SMG1: variants seen among roughly 807,000 people sequenced by gnomAD.
The protein encoded by SMG1 is SMG1 nonsense mediated mRNA decay associated PI3K related kinase.
SMG1 carries 22 observed loss-of-function variants against 419.9 expected under a neutral mutation model. That is an observed-to-expected ratio of 0.05 (90% CI 0.04 to 0.07). The LOEUF (loss-of-function observed/expected upper bound fraction) is 0.07, where lower values mean the gene tolerates loss of function less well. Ranked by LOEUF, SMG1 falls within the 10% of genes least tolerant of loss-of-function variation. The pLI, the probability that SMG1 is intolerant of heterozygous loss-of-function variation, is 1.00. For synonymous variants in SMG1, 1,538 were observed against 1,553.5 expected, an observed-to-expected ratio of 0.99 and a Z score of 0.23; for missense variants, 3,185 against 4,342.0, an observed-to-expected ratio of 0.73 and a Z score of 7.49.
At chr16:18,837,040 T>A (rs2033622617) in intron 46 of SMG1, among the ~76,000 whole-genome samples, 1 of 152,200 alleles carries the variant, frequency 6.6e-6, no homozygotes, top group African/African-American at 2.4e-5. Context: ...CTATCTCCCA[T>A]AATTAGTCAT....
At position 18,847,558 on chromosome 16, in the gene SMG1, T is replaced by C; in HGVS notation, c.5891A>G (p.Glu1964Gly). ...ELRRVTVLWD[E>G]LWLGVLLQQH... ...TTGCAGCAAAACTCCCAGCCAGAGC[T>C]CATCCCAGAGCACAGTGACCCTGCG... The change falls in exon 38 of 63, where the codon GAG becomes GGG. Residue 1964 changes from glutamate to glycine, a missense_variant. Coordinates refer to ENST00000446231, the MANE Select transcript of SMG1 (RefSeq NM_015092.5). 1 of 1,613,952 alleles carries C rather than the reference T, an allele frequency of 6.2e-7. No homozygotes were observed. Among genetic ancestry groups the C allele is most frequent in the Non-Finnish European group, 8.5e-7 (1 of 1,179,888 alleles).
At chr16:18,816,006 C>A (rs908452066) in intron 58 of SMG1, 7 of 461,440 alleles carry the variant, frequency 1.5e-5, no homozygotes, top group Non-Finnish European at 2.3e-5. Context: ...AAGAGAAAGA[C>A]AAGCTGGATA....
chr16:18,847,184 TAATAGAGATGGCAAGTAG>T (rs547160701), intron 38 of SMG1, among the ~76,000 whole-genome samples: 20 of 152,216 alleles, frequency 1.3e-4, no homozygotes, highest in Non-Finnish European at 2.5e-4. Context: ...GGCAAATTCA[TAATAGAGATGGCAAGTAG>T]AATAGAGGTG....
rs554429823 is a variant in SMG1 at position 18,902,015 on chromosome 16, G to C, written c.93-5059C>G. On this transcript the variant is annotated intron_variant, in intron 1 of 62. Transcript: ENST00000446231. ...CATCTGGGGGTTTTAGGCCACAGCA[G>C]AGTCTAATAATGTGACTTATGGTGG... Among the ~76,000 whole-genome samples, 214 of 151,886 alleles carry C rather than the reference G, an allele frequency of 1.4e-3. 1 individual carries two copies. Among genetic ancestry groups the C allele is most frequent in the Admixed American group, 2.4e-3 (37 of 15,254 alleles).
chr16:18,883,474 G>A (rs2036488288), intron 9 of SMG1, among the ~76,000 whole-genome samples: 1 of 151,934 alleles, frequency 6.6e-6, no homozygotes, highest in Admixed American at 6.5e-5. Context: ...TGAAGACCGG[G>A]AACAAAAAAT....
At position 18,836,217 on chromosome 16, in the gene SMG1, T is replaced by C; in HGVS notation, c.7778-5A>G. On this transcript the variant is annotated splice_polypyrimidine_tract_variant and splice_region_variant and intron_variant, in intron 47 of 62. Coordinates refer to ENST00000446231, the MANE Select transcript of SMG1 (RefSeq NM_015092.5). ...CTGGCACGTAACTTGGAGGACCTTT[T>C]GGTAAAAGACATTATTAAACACAGT... 6.2e-7 allele frequency: 1 copy of C among 1,610,876 alleles called. No individual in the cohort carries two copies. The highest frequency in any genetic ancestry group is 8.5e-7 in the Non-Finnish European group (1 of 1,178,000).
In SMG1 at chr16:18,858,276, T is replaced by C. The variant is rs756138558; in HGVS notation, c.4128A>G (p.Pro1376=). 1.9e-6 allele frequency: 3 copies of C among 1,599,270 alleles called. No homozygotes were observed. The South Asian group carries it at 3.4e-5, about 18-fold the overall frequency. ...NRLSTEDCLI[P]LFSEALRSCK... is the part of the protein sequence containing the mutation. ...ATGAACGTAAAGCTTCACTGAAGAGTGGAATAAGACAGTCCTGCCAGAGAA... is the reference window on the plus strand; with the variant it reads ...ATGAACGTAAAGCTTCACTGAAGAGCGGAATAAGACAGTCCTGCCAGAGAA... Residue 1376 remains proline (P), a synonymous_variant, in exon 29 of 63, where the codon CCA becomes CCG. Coordinates refer to ENST00000446231, the MANE Select transcript of SMG1 (RefSeq NM_015092.5).
At chr16:18,918,304 G>A (rs1214253120) in intron 1 of SMG1, among the ~76,000 whole-genome samples, 1 of 152,110 alleles carries the variant, frequency 6.6e-6, no homozygotes, top group African/African-American at 2.4e-5. Flanking sequence ...AAAAACACTT[G>A]AACTATGATT....
rs1316155659 is a variant in SMG1 at position 18,817,336 on chromosome 16, A to G, written c.10029T>C (p.Phe3343=). ...CQQMCSFASQ[F]NSSVSELELR... ...GCTCTAACTCAGACACTGAACTGTT[A>G]AACTGTGATGCAAACGAACACATCT... Residue 3343 remains phenylalanine (F), a synonymous_variant, in exon 57 of 63, where the codon TTT becomes TTC. Coordinates refer to ENST00000446231, the MANE Select transcript of SMG1 (RefSeq NM_015092.5). 5.6e-6 allele frequency: 9 copies of G among 1,612,888 alleles called. No individual in the cohort carries two copies. Among genetic ancestry groups the G allele is most frequent in the Non-Finnish European group, 6.8e-6 (8 of 1,179,434 alleles).
At chr16:18,908,067 G>A in intron 1 of SMG1, among the ~76,000 whole-genome samples, 1 of 151,906 alleles carries the variant, frequency 6.6e-6, no homozygotes, top group South Asian at 2.1e-4. Context: ...TCCCCGACCA[G>A]TTAAATGCCA....
chr16:18,916,623 A>AC (rs927740096), intron 1 of SMG1, among the ~76,000 whole-genome samples: 35 of 110,074 alleles, frequency 3.2e-4, no homozygotes, highest in South Asian at 6.4e-4. Context: ...AAACACACAC[A>AC]AAAAAAAACA....
rs1467948189 is a variant in SMG1, at chr16:18,828,037, T to A, written c.9735A>T (p.Thr3245=). Residue 3245 remains threonine, a synonymous_variant, in exon 55 of 63, where the codon ACA becomes ACT. Transcript: ENST00000446231. ...AAGATCTGGCAAAACACACCTGAAC[T>A]GTTGCAATAGAAGTTTCAATCTGGC... The part of the protein sequence containing the change: ...TLSQIETSIA[T]VQEKLAALES... 1 of 1,611,778 alleles carries A rather than the reference T, an allele frequency of 6.2e-7. No individual in the cohort carries two copies. Among genetic ancestry groups the A allele is most frequent in the South Asian group, 1.1e-5 (1 of 90,696 alleles).
At chr16:18,919,549 G>A (rs1185681280) in intron 1 of SMG1, among the ~76,000 whole-genome samples, 6 of 151,302 alleles carry the variant, frequency 4.0e-5, no homozygotes, top group South Asian at 4.2e-4. Context: ...GCGTGAACCC[G>A]GGAAGCAGAG....
At chr16:18,897,666 A>G (rs867854166) in intron 1 of SMG1, among the ~76,000 whole-genome samples, 1 of 152,210 alleles carries the variant, frequency 6.6e-6, no homozygotes, top group African/African-American at 2.4e-5. Context: ...TTAGTAAACA[A>G]GTAGGGTACA....
At chr16:18,891,871 C>T (rs1042686358) in intron 4 of SMG1, among the ~76,000 whole-genome samples, 24 of 152,234 alleles carry the variant, frequency 1.6e-4, no homozygotes, top group African/African-American at 5.5e-4. Flanking sequence ...GGTGTGATCA[C>T]ATCTCACTGC....
rs1463729131 is a variant in SMG1, at chr16:18,807,440, C to T, written c.*2129G>A. 2 of 152,010 alleles carry T rather than the reference C, an allele frequency of 1.3e-5. No homozygotes were observed. The highest frequency in any genetic ancestry group is 1.3e-4 in the Admixed American group (2 of 15,256). The allele number at this position is 152,010 out of a possible 1,614,324, so 9.4% of individuals were successfully genotyped here. A position where few individuals can be genotyped will look rare whatever the true frequency, so the allele number is the denominator to read the frequency against. ...CTAGGTTTTTTGCGAAAATAAGGTT[C>T]CAAATGAATGAAGAAAACAAAATTT... On this transcript the variant is annotated 3_prime_UTR_variant, in exon 63 of 63. Transcript: ENST00000446231.
chr16:18,832,863 G>A (rs1414045917), intron 51 of SMG1, 77 bp downstream of exon 51: 16 of 1,281,236 alleles, frequency 1.2e-5, no homozygotes, highest in Admixed American at 1.8e-5. Flanking sequence ...GTAAACTTAC[G>A]TTAAAGAGCT....
intron 11 of SMG1, 75 bp from the exon 12 acceptor site, chr16:18,877,307 G>A (rs2036180663): frequency 6.3e-6 from 7 of 1,105,796 alleles, no homozygotes; most frequent in South Asian, 1.4e-5. Context: ...AATGCACACT[G>A]ATAAGTGAAA....
rs769315732 is a variant in SMG1 at position 18,849,304 on chromosome 16, A to T, written c.5536T>A (p.Cys1846Ser). Residue 1846 changes from cysteine to serine, a missense_variant, in exon 36 of 63, where the codon TGC (cysteine) becomes AGC (serine). By Grantham distance (112) the Cys-to-Ser change is moderately radical. This residue lies in a region of SMG1 where 130 missense variants were observed against 162.0 expected (regional missense o/e 0.80). Transcript: ENST00000446231. ...YVRQSICNLL[C>S]RVAQDSPHLI... Reference sequence around the variant, plus strand: ...TGTGGGGAATCTTGAGCCACACGGCAGAGAAGGTTACAAATACTTTGGCGC... The same window carrying T: ...TGTGGGGAATCTTGAGCCACACGGCTGAGAAGGTTACAAATACTTTGGCGC... 2.5e-6 allele frequency: 4 copies of T among 1,613,864 alleles called. No individual in the cohort carries two copies. The South Asian group carries it at 4.4e-5, about 18-fold the overall frequency.
Sources: gnomAD v4.1 joint callset for allele counts (sites outside exome capture counted in the v4.1 genomes callset) on GRCh38, gnomAD v4.1.1 for gene constraint, gnomAD v4.1.1 regional missense constraint, MANE v1.5 for transcripts, NCBI Gene and HGNC (gene_info 2026-07-23, HGNC 2026-07-21) for gene names.